ASAP2: variants seen among roughly 807,000 people sequenced by gnomAD.
ASAP2 encodes ArfGAP with SH3 domain, ankyrin repeat and PH domain 2.
ASAP2 carries 45 observed loss-of-function variants against 131.4 expected under a neutral mutation model. That is an observed-to-expected ratio of 0.34 (90% CI 0.27 to 0.44). The LOEUF is 0.44. Among genes scored for constraint, ASAP2 ranks in the 20% least tolerant of loss-of-function variants. The probability of loss-of-function intolerance (pLI) is 1.00; values close to 1 mark genes in which losing one functional copy is unlikely to be tolerated. For synonymous variants in ASAP2, 510 were observed against 503.0 expected (o/e 1.01, Z -0.19); for missense variants, 1,011 against 1,297.0 (o/e 0.78, Z 3.39).
In ASAP2 at chr2:9,332,614, T is replaced by C. The variant is rs182435301; in HGVS notation, c.687-2124T>C. 2.6e-5 allele frequency among the ~76,000 whole-genome samples: 4 copies of C among 152,342 alleles called. No homozygotes were observed. The East Asian group carries it at 7.7e-4, about 29-fold the overall frequency. Reference sequence around the variant, plus strand: ...CATGCTCACGCGCTCTCACTCTCGCTCTCTGTCTGACCGTAGGGAGAATTG... The same window carrying C: ...CATGCTCACGCGCTCTCACTCTCGCCCTCTGTCTGACCGTAGGGAGAATTG... On this transcript the variant is annotated intron_variant, in intron 7 of 27. Coordinates refer to ENST00000281419, the MANE Select transcript of ASAP2 (RefSeq NM_003887.3).
intron 22 of ASAP2, among the ~76,000 whole-genome samples, chr2:9,390,528 C>T (rs1258847127): frequency 6.6e-6 from 1 of 152,340 alleles, no homozygotes; most frequent in East Asian, 1.9e-4. Context: ...TGATTGGTGT[C>T]ATCTGTGTCT....
rs150814250 is a variant in ASAP2 at position 9,339,859 on chromosome 2, G to A, written c.850-4673G>A. On this transcript the variant is annotated intron_variant, in intron 9 of 27. Transcript: ENST00000281419. The stretch of plus-strand genomic sequence containing the variant: ...ACCCACCTCTCTGTGTCCAGCCTGC[G>A]TCACATTCCACATTCACTCTAGGGG... 2.7e-3 allele frequency among the ~76,000 whole-genome samples: 416 copies of A among 152,214 alleles called. 1 individual carries two copies. The highest frequency in any genetic ancestry group is 4.4e-3 in the Non-Finnish European group (299 of 68,016).
At chr2:9,251,259 T>C (rs1664686565) in intron 1 of ASAP2, among the ~76,000 whole-genome samples, 1 of 152,198 alleles carries the variant, frequency 6.6e-6, no homozygotes, top group African/African-American at 2.4e-5. Context: ...GTCACTTGTC[T>C]TACAGAGAAG....
chr2:9,364,847 A>G (rs533574805), intron 15 of ASAP2, among the ~76,000 whole-genome samples: 1 of 152,348 alleles, frequency 6.6e-6, no homozygotes, highest in African/African-American at 2.4e-5. Flanking sequence ...GCATTGTTGT[A>G]GGTGTTCTAC....
At chr2:9,254,236 A>AAAAAAAAAATATATAT (rs1553297024) in intron 1 of ASAP2, among the ~76,000 whole-genome samples, 1 of 47,110 alleles carries the variant, frequency 2.1e-5, no homozygotes, top group African/African-American at 1.4e-4. Flanking sequence ...AAAAAAAAAA[A>AAAAAAAAAATATATAT]ATATATATAT....
intron 1 of ASAP2, among the ~76,000 whole-genome samples, chr2:9,278,615 A>G (rs1572336640): frequency 6.6e-6 from 1 of 152,164 alleles, no homozygotes; most frequent in Non-Finnish European, 1.5e-5. Flanking sequence ...GTCGTTGAAC[A>G]GATAACTGTT....
rs778807638 is a variant in ASAP2 at position 9,393,528 on chromosome 2, C to G, written c.2565C>G (p.Ser855Arg). The change falls in exon 24 of 28, where the codon AGC becomes AGG. Residue 855 changes from serine to arginine, a missense_variant. By Grantham distance (110) the Ser-to-Arg change is moderately radical. Transcript: ENST00000281419. ...TPPPPVAKTP[S>R]VMEALSQPSK... The stretch of plus-strand genomic sequence containing the variant: ...CCCCACCCGTTGCCAAGACGCCCAG[C>G]GTAATGGAAGCCTTGAGCCAGCCGA... The G allele has an allele frequency of 2.4e-5, 39 of 1,603,524 alleles. No individual in the cohort carries two copies. The highest frequency in any genetic ancestry group is 3.2e-5 in the Non-Finnish European group (38 of 1,175,918).
chr2:9,356,526 G>A (rs1429308605), intron 14 of ASAP2, among the ~76,000 whole-genome samples, 181 bp downstream of exon 14: 2 of 152,196 alleles, frequency 1.3e-5, no homozygotes, highest in Admixed American at 6.5e-5. Context: ...GGGGAGAGGG[G>A]CGGGAAGATG....
At chr2:9,380,417 C>T (rs11677488) in intron 19 of ASAP2, among the ~76,000 whole-genome samples, 6,282 of 152,152 alleles carry the variant, frequency 0.041, 379 homozygotes, top group African/African-American at 0.12. Flanking sequence ...AGGCTGGTCT[C>T]GAACTCCTGA....
At position 9,390,980 on chromosome 2, in the gene ASAP2, G is replaced by A. The variant is rs1406500507; in HGVS notation, c.2384-82G>A. The A allele has an allele frequency of 2.4e-5, 38 of 1,600,690 alleles. No individual in the cohort carries two copies. The Admixed American group carries it at 4.5e-4, about 19-fold the overall frequency. ...TTTCATAAGGGGGAGGATCAATAAC[G>A]CAGTGTTCTGTTTCTGTTTTTGTTC... On this transcript the variant is annotated intron_variant, in intron 22 of 27. Transcript: ENST00000281419.
chr2:9,283,039 G>C (rs1449371934), intron 2 of ASAP2, among the ~76,000 whole-genome samples: 1 of 151,448 alleles, frequency 6.6e-6, no homozygotes, highest in Non-Finnish European at 1.5e-5. Flanking sequence ...TTTGACTTCA[G>C]CGTAGCCCTC....
At chr2:9,235,823 G>A (rs1056703270) in intron 1 of ASAP2, among the ~76,000 whole-genome samples, 2 of 151,350 alleles carry the variant, frequency 1.3e-5, no homozygotes. Flanking sequence ...GAACTTGGTT[G>A]GTGGATGCAG....
intron 19 of ASAP2, 120 bp from the exon 20 acceptor site, chr2:9,380,621 C>T: frequency 2.2e-6 from 2 of 926,392 alleles, no homozygotes; most frequent in Non-Finnish European, 3.6e-6. Context: ...CTGTGGATTT[C>T]ATTAACCAGG....
intron 6 of ASAP2, among the ~76,000 whole-genome samples, chr2:9,323,706 C>A (rs975913875): frequency 6.6e-6 from 1 of 152,146 alleles, no homozygotes; most frequent in African/African-American, 2.4e-5. Flanking sequence ...GTTTTGACTT[C>A]CTGCTAGACC....
At chr2:9,400,203 C>G in intron 25 of ASAP2, 131 bp downstream of exon 25, 2 of 935,712 alleles carry the variant, frequency 2.1e-6, no homozygotes, top group Admixed American at 4.5e-5. Context: ...CTCCTGCCCC[C>G]TCCCCTCCTG....
chr2:9,345,671 A>T lies in ASAP2; in HGVS notation c.1023+871A>T, dbSNP rs1033815763. ...AAGCAGAGGCCTAGTAGTGCATGCAAGCCAGCAGCCTTGGGCGTGTGAGTG... is the reference window on the plus strand; with the variant it reads ...AAGCAGAGGCCTAGTAGTGCATGCATGCCAGCAGCCTTGGGCGTGTGAGTG... On this transcript the variant is annotated intron_variant, in intron 11 of 27. Coordinates refer to ENST00000281419, the MANE Select transcript of ASAP2 (RefSeq NM_003887.3). Among the ~76,000 whole-genome samples the T allele has an allele frequency of 5.3e-5, 8 of 152,134 alleles. No individual in the cohort carries two copies. In the East Asian group the frequency reaches 1.6e-3, roughly 30 times the overall value.
chr2:9,344,432 TA>T, intron 9 of ASAP2, 99 bp from the exon 10 acceptor site: 14 of 1,010,196 alleles, frequency 1.4e-5, no homozygotes, highest in African/African-American at 9.9e-5. Flanking sequence ...TTGTTGTTGT[TA>T]AAAAAAAAAC....
intron 1 of ASAP2, among the ~76,000 whole-genome samples, chr2:9,247,145 A>G (rs1306272261): frequency 6.6e-6 from 1 of 152,162 alleles, no homozygotes; most frequent in Non-Finnish European, 1.5e-5. Context: ...CTGTCCAGTA[A>G]TATTTTTAAT....
intron 9 of ASAP2, 31 bp from the exon 10 acceptor site, chr2:9,344,501 G>T: frequency 1.3e-6 from 2 of 1,574,716 alleles, no homozygotes; most frequent in Non-Finnish European, 1.7e-6. Context: ...ACCTGGACAA[G>T]ATTAAAAACA....
Sources: gnomAD v4.1 joint callset for allele counts (sites outside exome capture counted in the v4.1 genomes callset) on GRCh38, gnomAD v4.1.1 for gene constraint, MANE v1.5 for transcripts, NCBI Gene and HGNC (gene_info 2026-07-23, HGNC 2026-07-21) for gene names.